ARIH1: variants seen among roughly 807,000 people sequenced by gnomAD.
ARIH1 encodes ariadne RBR E3 ubiquitin protein ligase 1, also known as E3 ubiquitin-protein ligase ARIH1.
In ARIH1, 8 loss-of-function variants were observed where a neutral mutation model predicts 85.0. The ratio of observed to expected loss-of-function variants is 0.09; its 90% CI spans 0.06 to 0.17. ARIH1 has a LOEUF of 0.17. Among genes scored for constraint, ARIH1 ranks in the 10% least tolerant of loss-of-function variants. ARIH1 has a pLI of 1.00. For missense variants in ARIH1, 311 were observed against 718.1 expected (o/e 0.43, Z 6.48); for synonymous variants, 238 against 253.6 (o/e 0.94, Z 0.59).
intron 1 of ARIH1, among the ~76,000 whole-genome samples, chr15:72,506,526 C>T (rs1179701353): frequency 6.6e-6 from 1 of 151,946 alleles, no homozygotes; most frequent in Non-Finnish European, 1.5e-5. Flanking sequence ...TATGCTTGCT[C>T]ATTTTTGTTG....
chr15:72,582,155 G>A lies in ARIH1; in HGVS notation c.1557G>A (p.Gln519=), dbSNP rs759967393. ...LERDISQDSL[Q]DIKQKVQDKY... is the part of the protein sequence containing the mutation. ...GAGATATTTCCCAAGATTCTCTGCA[G>A]GATATAAAGCAGAAAGTACAAGACA... Residue 519 remains glutamine, a synonymous_variant, in exon 13 of 14, where the codon CAG becomes CAA. Transcript: ENST00000379887. This position sits in a 1 kb window ranked among gnomAD's most constrained non-coding sequence, Gnocchi z 4.6. 2.5e-6 allele frequency: 4 copies of A among 1,613,272 alleles called. No homozygotes were observed. The South Asian group carries it at 4.4e-5, about 18-fold the overall frequency.
rs1192422320 is a variant in ARIH1 at position 72,587,005 on chromosome 15, A to G, written c.*3713A>G. On this transcript the variant is annotated 3_prime_UTR_variant, in exon 14 of 14. Coordinates refer to ENST00000379887, the MANE Select transcript of ARIH1 (RefSeq NM_005744.5). ...GTCCCAAAGTTGAAGATCGTTTGTC[A>G]TTGATACTCTGGCCAAGTCCAGGTT... 12 of 351,662 alleles carry G rather than the reference A, an allele frequency of 3.4e-5. No homozygotes were observed. Among genetic ancestry groups the G allele is most frequent in the Non-Finnish European group, 6.0e-5 (11 of 183,166 alleles). 21.8% of individuals were successfully genotyped at this position (351,662 alleles called of 1,614,324 possible).
rs1428441728 is a variant in ARIH1 at position 72,475,021 on chromosome 15, G to A, written c.375+7G>A. Reference sequence around the variant, plus strand: ...GGTCAACGAGGTCATCCAGGTGAGGGTGGCCGCCGCGCCAGCTGGACCGGG... The same window carrying A: ...GGTCAACGAGGTCATCCAGGTGAGGATGGCCGCCGCGCCAGCTGGACCGGG... On this transcript the variant is annotated splice_region_variant and intron_variant, in intron 1 of 13. Transcript: ENST00000379887. 3.2e-6 allele frequency: 5 copies of A among 1,552,160 alleles called. No homozygotes were observed. The African/African-American group carries it at 6.8e-5, about 21-fold the overall frequency.
At chr15:72,531,625 TC>T (rs1237496111) in intron 2 of ARIH1, among the ~76,000 whole-genome samples, 2 of 151,996 alleles carry the variant, frequency 1.3e-5, no homozygotes, top group African/African-American at 2.4e-5. Context: ...AAATAAAAAA[TC>T]TAAATCAATG....
chr15:72,515,412 A>T (rs1464385785), intron 1 of ARIH1, among the ~76,000 whole-genome samples: 1 of 152,176 alleles, frequency 6.6e-6, no homozygotes, highest in Non-Finnish European at 1.5e-5. Flanking sequence ...TATCTGGGTC[A>T]TCTAGGAGTC....
At chr15:72,570,331 G>A (rs1427842487) in intron 10 of ARIH1, 24 bp downstream of exon 10, 1 of 1,613,222 alleles carries the variant, frequency 6.2e-7, no homozygotes, top group South Asian at 1.1e-5. Flanking sequence ...ATTAAGGGAA[G>A]AATGTGTTTA....
At chr15:72,570,140 G>A (rs1423453059) in intron 9 of ARIH1, 37 bp from the exon 10 acceptor site, 2 of 1,609,890 alleles carry the variant, frequency 1.2e-6, no homozygotes, top group Non-Finnish European at 8.5e-7. Flanking sequence ...GCAACCTAGT[G>A]TAGCATTGAC....
chr15:72,583,392 C>A lies in ARIH1; in HGVS notation c.*100C>A. 2 of 842,058 alleles carry A rather than the reference C, an allele frequency of 2.4e-6. No individual in the cohort carries two copies. Among genetic ancestry groups the A allele is most frequent in the Non-Finnish European group, 3.9e-6 (2 of 517,316 alleles). 52.2% of individuals were successfully genotyped at this position (842,058 alleles called of 1,614,324 possible). The stretch of plus-strand genomic sequence containing the variant: ...CAAACAAGGAGGCACTAAGCCTATT[C>A]TGACACCACTGGTCTGTAGTACCAG... On this transcript the variant is annotated 3_prime_UTR_variant, in exon 14 of 14. Coordinates refer to ENST00000379887, the MANE Select transcript of ARIH1 (RefSeq NM_005744.5).
Position 72,598,401 on chromosome 15 carries a change from G to C in ARIH1, c.*15109G>C, listed in dbSNP as rs1282353388. On this transcript the variant is annotated 3_prime_UTR_variant, in exon 14 of 14. Transcript: ENST00000379887. The stretch of plus-strand genomic sequence containing the variant: ...TATCACTAGTGAATTTCAGAAGTAG[G>C]AGTTTATTTTTTTAATAAAAAATTT... 6.6e-6 allele frequency: 1 copy of C among 152,076 alleles called. No individual in the cohort carries two copies. The highest frequency in any genetic ancestry group is 1.5e-5 in the Non-Finnish European group (1 of 68,018). 9.4% of individuals were successfully genotyped at this position (152,076 alleles called of 1,614,324 possible). A position where few individuals can be genotyped will look rare whatever the true frequency, so the allele number is the denominator to read the frequency against.
intron 2 of ARIH1, among the ~76,000 whole-genome samples, chr15:72,539,929 A>C (rs2064099121): frequency 1.3e-5 from 2 of 152,182 alleles, no homozygotes; most frequent in African/African-American, 4.8e-5. Context: ...TATGAGACAA[A>C]AAACAGTTAT....
At chr15:72,517,272 A>C (rs1212819816) in intron 1 of ARIH1, among the ~76,000 whole-genome samples, 1 of 152,064 alleles carries the variant, frequency 6.6e-6, no homozygotes, top group Non-Finnish European at 1.5e-5. Flanking sequence ...TAAGGTATTA[A>C]ATTATTTTTT....
chr15:72,508,747 G>A (rs1322235725), intron 1 of ARIH1, among the ~76,000 whole-genome samples: 2 of 147,524 alleles, frequency 1.4e-5, no homozygotes, highest in African/African-American at 2.5e-5. Context: ...AGGCTGGAGT[G>A]TAGTGGTGCA....
At chr15:72,536,333 C>T (rs1255409571) in intron 2 of ARIH1, among the ~76,000 whole-genome samples, 3 of 152,176 alleles carry the variant, frequency 2.0e-5, no homozygotes, top group South Asian at 2.1e-4. Flanking sequence ...TGGGCTTGAG[C>T]GATCCTCCCA....
rs1389700862 is a variant in ARIH1, at chr15:72,580,910, C to G, written c.1395C>G (p.Leu465=). 2 of 1,614,174 alleles carry G rather than the reference C, an allele frequency of 1.2e-6. No individual in the cohort carries two copies. Among genetic ancestry groups the G allele is most frequent in the Non-Finnish European group, 1.7e-6 (2 of 1,180,016 alleles). Reference sequence around the variant, plus strand: ...TCCTGAAGAAGGCAGTTGATGTCCTCTGCCAGTGTCGTGCCACACTCATGT... The same window carrying G: ...TCCTGAAGAAGGCAGTTGATGTCCTGTGCCAGTGTCGTGCCACACTCATGT... ...VQFLKKAVDV[L]CQCRATLMYT... is the part of the protein sequence containing the mutation. Residue 465 remains leucine, a synonymous_variant, in exon 12 of 14, where the codon CTC becomes CTG. Coordinates refer to ENST00000379887, the MANE Select transcript of ARIH1 (RefSeq NM_005744.5).
intron 1 of ARIH1, among the ~76,000 whole-genome samples, chr15:72,481,634 T>C (rs1219115022): frequency 6.6e-6 from 1 of 151,956 alleles, no homozygotes; most frequent in Non-Finnish European, 1.5e-5. Flanking sequence ...TGCAGTGAGC[T>C]GAGATAGTGT....
At chr15:72,523,821 C>A (rs1431849872) in intron 2 of ARIH1, among the ~76,000 whole-genome samples, 2 of 139,788 alleles carry the variant, frequency 1.4e-5, no homozygotes, top group South Asian at 4.5e-4. Context: ...TTTTTTTTTT[C>A]TTTTAAAGGG....
rs1223639771 is a variant in ARIH1, at chr15:72,542,219, G to GATC, written c.444-2601_444-2600insATC. On this transcript the variant is annotated intron_variant, in intron 2 of 13. Transcript: ENST00000379887. ...TCTTTGGGTATAGAGGTCTTTTAAA[G>GATC]TGTGATATGAACTGCAGAAATCACA... Among the ~76,000 whole-genome samples the GATC allele has an allele frequency of 2.6e-5, 4 of 152,308 alleles. No homozygotes were observed. In the East Asian group the frequency reaches 7.7e-4, roughly 29 times the overall value.
chr15:72,502,806 A>T (rs1473305741), intron 1 of ARIH1, among the ~76,000 whole-genome samples: 1 of 152,160 alleles, frequency 6.6e-6, no homozygotes, highest in Non-Finnish European at 1.5e-5. Flanking sequence ...ACCCTGTCTT[A>T]AATAAAATAA....
chr15:72,523,037 G>A (rs1344588997), intron 2 of ARIH1, among the ~76,000 whole-genome samples: 3 of 152,162 alleles, frequency 2.0e-5, no homozygotes, highest in South Asian at 4.1e-4. Flanking sequence ...ATCATTTCTC[G>A]TGGGAACGCA....
Sources: allele counts gnomAD v4.1 joint callset (sites outside exome capture counted in the v4.1 genomes callset), GRCh38; gene constraint gnomAD v4.1.1; non-coding constraint Gnocchi (gnomAD v3.1); transcripts MANE v1.5; gene names NCBI Gene and HGNC (gene_info 2026-07-23, HGNC 2026-07-21).